BANK1: variants seen among roughly 807,000 people sequenced by gnomAD.
The protein encoded by BANK1 is B-cell scaffold protein with ankyrin repeats.
In BANK1, 95 loss-of-function variants were observed where a neutral mutation model predicts 94.5. The observed-to-expected ratio is 1.00, with a 90% CI of 0.85 to 1.19. The LOEUF (loss-of-function observed/expected upper bound fraction) is 1.19, where lower values mean the gene tolerates loss of function less well. BANK1 is among the 50% of genes most tolerant of loss of function. BANK1 has a pLI of 0.00. For synonymous variants in BANK1, 334 were observed against 308.4 expected (o/e 1.08, Z -0.87); for missense variants, 987 against 932.2 (o/e 1.06, Z -0.77).
chr4:102,025,801 TCTTC>T (rs1471611531), intron 9 of BANK1, among the ~76,000 whole-genome samples: 2 of 149,390 alleles, frequency 1.3e-5, no homozygotes, highest in Non-Finnish European at 3.0e-5. Context: ...TCTCTTTCTT[TCTTC>T]CTTGTCTTAT....
chr4:102,039,372 T>C (rs1029170326), intron 10 of BANK1, among the ~76,000 whole-genome samples: 3 of 152,172 alleles, frequency 2.0e-5, no homozygotes, highest in African/African-American at 7.2e-5. Context: ...ACATCTTTCC[T>C]CTAAGCTTCA....
chr4:102,046,297 A>G (rs1727876119), intron 11 of BANK1, among the ~76,000 whole-genome samples: 1 of 152,174 alleles, frequency 6.6e-6, no homozygotes. Flanking sequence ...TCAATTCAAG[A>G]TGGATTAAAG....
intron 1 of BANK1, among the ~76,000 whole-genome samples, chr4:101,805,313 G>C (rs1725515366): frequency 6.6e-6 from 1 of 151,958 alleles, no homozygotes; most frequent in African/African-American, 2.4e-5. Flanking sequence ...TTATGTCTTT[G>C]AGGTTAACTA....
At chr4:101,950,018 G>GGTGTGT (rs6148602) in intron 7 of BANK1, among the ~76,000 whole-genome samples, 1,766 of 149,356 alleles carry the variant, frequency 0.012, 24 homozygotes, top group African/African-American at 0.025. Context: ...GGAAGTAAGG[G>GGTGTGT]GTGTGTGTGT....
chr4:102,016,065 C>A (rs1726689347), intron 7 of BANK1, among the ~76,000 whole-genome samples: 1 of 152,186 alleles, frequency 6.6e-6, no homozygotes, highest in African/African-American at 2.4e-5. Context: ...CATGGTCCCC[C>A]ATTGGCCGCT....
In BANK1 at chr4:101,870,587, A is replaced by T; in HGVS notation, c.846A>T (p.Thr282=). 1 of 1,612,996 alleles carries T rather than the reference A, an allele frequency of 6.2e-7. No homozygotes were observed. The change falls in exon 5 of 17, where the codon ACA becomes ACT. Residue 282 remains threonine (T), a synonymous_variant. Transcript: ENST00000322953. ...KATTKIKYYP[T]AKAKECLFRM... ...CAACCAAAATTAAGTACTACCCAAC[A>T]GCAAAGGCAAAGGAATGCCTATTCA...
rs560701922 is a variant in BANK1 at position 101,804,545 on chromosome 4, C to CA, written c.70+13599dup. On this transcript the variant is annotated intron_variant, in intron 1 of 16. Transcript: ENST00000322953. Reference sequence around the variant, plus strand: ...AAGAGAAAAGTCATGACATTACAAGCAAAAGGTGATTTGCTTGATACATAC... The same window carrying CA: ...AAGAGAAAAGTCATGACATTACAAGCAAAAAGGTGATTTGCTTGATACATAC... Among the ~76,000 whole-genome samples the CA allele has an allele frequency of 4.4e-4, 67 of 152,262 alleles. 2 individuals carry two copies. The East Asian group carries it at 0.012, about 27-fold the overall frequency.
chr4:101,903,059 G>A (rs114735350), intron 6 of BANK1, among the ~76,000 whole-genome samples: 149 of 152,284 alleles, frequency 9.8e-4, no homozygotes, highest in African/African-American at 3.4e-3. Context: ...CTTAATTACA[G>A]TTACAAGCTC....
At chr4:101,988,666 C>G (rs575866724) in intron 7 of BANK1, among the ~76,000 whole-genome samples, 1 of 152,214 alleles carries the variant, frequency 6.6e-6, no homozygotes, top group African/African-American at 2.4e-5. Flanking sequence ...TGTATTTTGA[C>G]CAGTCCTTAG....
intron 7 of BANK1, among the ~76,000 whole-genome samples, chr4:102,010,082 C>A (rs773998613): frequency 6.8e-6 from 1 of 147,992 alleles, no homozygotes; most frequent in Non-Finnish European, 1.5e-5. Flanking sequence ...CTGGCTAACA[C>A]GGTGAAACCC....
At chr4:101,987,329 C>A (rs1213572175) in intron 7 of BANK1, among the ~76,000 whole-genome samples, 1 of 151,980 alleles carries the variant, frequency 6.6e-6, no homozygotes, top group East Asian at 1.9e-4. Context: ...GTGAGGTGGA[C>A]ATTAATACTA....
chr4:101,919,771 A>C (rs1173771320), intron 7 of BANK1, among the ~76,000 whole-genome samples: 1 of 152,014 alleles, frequency 6.6e-6, no homozygotes, highest in Non-Finnish European at 1.5e-5. Context: ...TATTTTGTGA[A>C]TGTTCTGCTG....
intron 2 of BANK1, among the ~76,000 whole-genome samples, chr4:101,840,038 G>T (rs1339477976): frequency 8.6e-6 from 1 of 115,716 alleles, no homozygotes; most frequent in Non-Finnish European, 1.7e-5. Flanking sequence ...GCGGGATCTC[G>T]GCTCACTGCA....
intron 7 of BANK1, among the ~76,000 whole-genome samples, chr4:102,003,391 G>A (rs2148937541): frequency 6.6e-6 from 1 of 152,296 alleles, no homozygotes; most frequent in South Asian, 2.1e-4. Flanking sequence ...GAGAACTGGA[G>A]GATTACACTT....
intron 7 of BANK1, among the ~76,000 whole-genome samples, chr4:101,970,555 C>T (rs1048099111): frequency 1.3e-5 from 2 of 152,166 alleles, no homozygotes; most frequent in South Asian, 2.1e-4. Context: ...CAAGCTTGGA[C>T]GTAAGATACT....
chr4:101,838,458 A>T (rs1726912397), intron 2 of BANK1, among the ~76,000 whole-genome samples: 1 of 151,792 alleles, frequency 6.6e-6, no homozygotes, highest in Non-Finnish European at 1.5e-5. Context: ...TTTCCTCTTT[A>T]TTTTTGCTAA....
chr4:101,926,133 G>A (rs964062784), intron 7 of BANK1, among the ~76,000 whole-genome samples: 3 of 151,410 alleles, frequency 2.0e-5, no homozygotes, highest in African/African-American at 7.3e-5. Context: ...ATGTAGATTG[G>A]GTATATACTT....
At chr4:101,974,952 C>T (rs535114389) in intron 7 of BANK1, among the ~76,000 whole-genome samples, 9 of 152,040 alleles carry the variant, frequency 5.9e-5, no homozygotes, top group Admixed American at 3.3e-4. Context: ...AGTGAAACTC[C>T]GTCTCAGAAT....
rs576996188 is a variant in BANK1 at position 102,045,974 on chromosome 4, C to T, written c.1969+2067C>T. 8.2e-5 allele frequency among the ~76,000 whole-genome samples: 12 copies of T among 147,090 alleles called. No individual in the cohort carries two copies. The East Asian group carries it at 1.2e-3, about 15-fold the overall frequency. On this transcript the variant is annotated intron_variant, in intron 11 of 16. Coordinates refer to ENST00000322953, the MANE Select transcript of BANK1 (RefSeq NM_017935.5). ...GTTCATATGGAACCAAAAAAGAGCC[C>T]GCATTGCCAAGTCAATCCTAAGCCA...
Sources: allele counts gnomAD v4.1 joint callset (sites outside exome capture counted in the v4.1 genomes callset), GRCh38; gene constraint gnomAD v4.1.1; transcripts MANE v1.5; gene names NCBI Gene and HGNC (gene_info 2026-07-23, HGNC 2026-07-21).